The following NPFFR2 variants were observed in gnomAD, a reference collection of about 807,000 sequenced individuals.
NPFFR2 encodes the protein neuropeptide FF receptor 2.
NPFFR2 carries 15 observed loss-of-function variants against 13.1 expected under a neutral mutation model. The ratio of observed to expected loss-of-function variants is 1.15; its 90% confidence interval spans 0.77 to 1.76. The LOEUF (loss-of-function observed/expected upper bound fraction) is 1.76. Ranked by LOEUF, NPFFR2 falls within the 40% of genes most tolerant of loss-of-function variation. The pLI is 0.00. For synonymous variants in NPFFR2, 190 were observed against 175.7 expected (o/e 1.08, Z -0.65); for missense variants, 572 against 503.5 (o/e 1.14, Z -1.30).
intron 3 of NPFFR2, among the ~76,000 whole-genome samples, chr4:72,142,881 C>G (rs1418973240): frequency 6.6e-6 from 1 of 152,158 alleles, no homozygotes; most frequent in African/African-American, 2.4e-5. Flanking sequence ...AGTGCTGCCT[C>G]AGGAAGGCTA....
intron 1 of NPFFR2, among the ~76,000 whole-genome samples, chr4:72,098,013 G>A (rs560963044): frequency 6.6e-6 from 1 of 152,050 alleles, no homozygotes; most frequent in Admixed American, 6.6e-5. Flanking sequence ...ATACATATTT[G>A]TTTACATACA....
intron 1 of NPFFR2, among the ~76,000 whole-genome samples, chr4:72,055,316 G>T (rs1719713515): frequency 6.6e-6 from 1 of 151,616 alleles, no homozygotes; most frequent in Non-Finnish European, 1.5e-5. Context: ...AAAAAAGTTT[G>T]AAATATTGCA....
chr4:72,145,277 A>G (rs1722740012), intron 3 of NPFFR2, among the ~76,000 whole-genome samples: 1 of 145,738 alleles, frequency 6.9e-6, no homozygotes, highest in Non-Finnish European at 1.5e-5. Flanking sequence ...TGTTATAAAT[A>G]TAAATATATA....
Position 72,147,656 on chromosome 4 carries a change from C to A in NPFFR2, c.1107C>A (p.Ser369Arg). The A allele has an allele frequency of 6.2e-7, 1 of 1,614,132 alleles. No individual in the cohort carries two copies. The highest frequency in any genetic ancestry group is 8.5e-7 in the Non-Finnish European group (1 of 1,180,012). ...AAGCTTATGCCCTAAAAGCTAAAAG[C>A]CATGTGCTCATAAACACATCTAATC... ...PMEAYALKAK[S>R]HVLINTSNQL... The change falls in exon 4 of 4, where the codon AGC becomes AGA. Residue 369 changes from serine to arginine, a missense_variant. Transcript: ENST00000308744.
At chr4:72,073,247 TA>T (rs1246421085) in intron 1 of NPFFR2, among the ~76,000 whole-genome samples, 1 of 152,038 alleles carries the variant, frequency 6.6e-6, no homozygotes, top group Non-Finnish European at 1.5e-5. Flanking sequence ...AGGGAATGGA[TA>T]CCCCATTTTT....
intron 1 of NPFFR2, among the ~76,000 whole-genome samples, chr4:72,040,206 T>C (rs1450821961): frequency 1.3e-5 from 2 of 152,138 alleles, no homozygotes; most frequent in African/African-American, 4.8e-5. Flanking sequence ...TGGATTCCAG[T>C]GTTGATTAAT....
rs1722852837 is a variant in NPFFR2 at position 72,148,296 on chromosome 4, T to G, written c.*484T>G. Among the ~76,000 whole-genome samples, 1 of 152,210 alleles carries G rather than the reference T, an allele frequency of 6.6e-6. No homozygotes were observed. The highest frequency in any genetic ancestry group is 2.1e-4 in the South Asian group (1 of 4,830). ...TTGGTTTTCTAAGAAATACATTCGA[T>G]CACATGAAATTCTCTGCTGTTGTTT... On this transcript the variant is annotated 3_prime_UTR_variant, in exon 4 of 4. Coordinates refer to ENST00000308744, the MANE Select transcript of NPFFR2 (RefSeq NM_004885.3).
At chr4:72,125,093 A>G (rs1441863519) in intron 1 of NPFFR2, among the ~76,000 whole-genome samples, 1 of 152,204 alleles carries the variant, frequency 6.6e-6, no homozygotes, top group Non-Finnish European at 1.5e-5. Flanking sequence ...AGAAAAAACA[A>G]CCCCATCAAA....
At chr4:72,132,628 GTTTA>G (rs1722284903) in intron 2 of NPFFR2, among the ~76,000 whole-genome samples, 1 of 152,148 alleles carries the variant, frequency 6.6e-6, no homozygotes, top group Non-Finnish European at 1.5e-5. Flanking sequence ...GTGTGAAAGT[GTTTA>G]TTTTTCTCCA....
chr4:72,103,614 T>C (rs1473823015), intron 1 of NPFFR2, among the ~76,000 whole-genome samples: 1 of 152,110 alleles, frequency 6.6e-6, no homozygotes, highest in Non-Finnish European at 1.5e-5. Flanking sequence ...GAGTCCAATA[T>C]TGCTAATTTA....
chr4:72,127,355 C>T lies in NPFFR2; in HGVS notation c.-7-1230C>T, dbSNP rs1306908201. 6.3e-4 allele frequency among the ~76,000 whole-genome samples: 57 copies of T among 91,166 alleles called. 1 individual carries two copies. Among genetic ancestry groups the T allele is most frequent in the African/African-American group, 2.2e-3 (47 of 21,708 alleles). 59.8% of individuals were successfully genotyped at this position (91,166 alleles called of 152,430 possible). On this transcript the variant is annotated intron_variant, in intron 1 of 3. Coordinates refer to ENST00000308744, the MANE Select transcript of NPFFR2 (RefSeq NM_004885.3). Reference sequence around the variant, plus strand: ...AAGTCATACAGATTCTAAATAATTTCTTTTCTTTTTTTTTTTTTTTTTTTT... The same window carrying T: ...AAGTCATACAGATTCTAAATAATTTTTTTTCTTTTTTTTTTTTTTTTTTTT...
intron 1 of NPFFR2, among the ~76,000 whole-genome samples, chr4:72,076,058 A>G (rs917494949): frequency 1.3e-5 from 2 of 150,656 alleles, no homozygotes; most frequent in Non-Finnish European, 2.9e-5. Flanking sequence ...GGAACAAAGC[A>G]CTTTCTATAC....
intron 1 of NPFFR2, among the ~76,000 whole-genome samples, chr4:72,047,536 T>C (rs1271700859): frequency 6.6e-6 from 1 of 152,128 alleles, no homozygotes; most frequent in Admixed American, 6.6e-5. Context: ...CAGTCAGGGA[T>C]CTGGTTTAGC....
At chr4:72,091,908 C>T (rs931996603) in intron 1 of NPFFR2, among the ~76,000 whole-genome samples, 1 of 151,826 alleles carries the variant, frequency 6.6e-6, no homozygotes, top group African/African-American at 2.4e-5. Flanking sequence ...GTTTCTCTAG[C>T]TCCTTGAGGT....
Position 72,147,209 on chromosome 4 carries a change from C to G in NPFFR2, c.660C>G (p.Thr220=), listed in dbSNP as rs1278452454. Residue 220 remains threonine (T), a synonymous_variant, in exon 4 of 4, where the codon ACC becomes ACG. Transcript: ENST00000308744. ...ATCAGGAAATGAGGAAGATCTACAC[C>G]ACTGTGCTGTTTGCCAACATCTACC... The part of the protein sequence containing the change: ...WPNQEMRKIY[T]TVLFANIYLA... 1 of 1,614,036 alleles carries G rather than the reference C, an allele frequency of 6.2e-7. No homozygotes were observed.
intron 1 of NPFFR2, among the ~76,000 whole-genome samples, chr4:72,061,472 G>A (rs1372119841): frequency 6.6e-6 from 1 of 152,138 alleles, no homozygotes; most frequent in Non-Finnish European, 1.5e-5. Context: ...TCAGAGCCAG[G>A]TTCCTCCACC....
At chr4:72,060,798 A>G (rs1018067798) in intron 1 of NPFFR2, among the ~76,000 whole-genome samples, 2 of 152,108 alleles carry the variant, frequency 1.3e-5, no homozygotes, top group African/African-American at 4.8e-5. Flanking sequence ...TAAAGTCCCC[A>G]TTTAGTAGCT....
At chr4:72,133,243 T>A (rs2109838973) in intron 2 of NPFFR2, among the ~76,000 whole-genome samples, 1 of 152,322 alleles carries the variant, frequency 6.6e-6, no homozygotes, top group South Asian at 2.1e-4. Context: ...CCCAGCATGA[T>A]TTATTAAATA....
At chr4:72,110,331 TGTCA>T (rs1721530871) in intron 1 of NPFFR2, among the ~76,000 whole-genome samples, 1 of 152,024 alleles carries the variant, frequency 6.6e-6, no homozygotes, top group Non-Finnish European at 1.5e-5. Context: ...CATTCTGAAC[TGTCA>T]GTCAATTAAA....
Sources: allele counts gnomAD v4.1 joint callset (sites outside exome capture counted in the v4.1 genomes callset), GRCh38; gene constraint gnomAD v4.1.1; transcripts MANE v1.5; gene names NCBI Gene and HGNC (gene_info 2026-07-23, HGNC 2026-07-21).